The following COMMD10 variants were observed in gnomAD, a reference collection of about 807,000 sequenced individuals.
COMMD10 encodes the protein COMM domain containing 10.
Under a neutral mutation model 28.9 loss-of-function variants are expected in COMMD10, and 33 were observed. The ratio of observed to expected loss-of-function variants is 1.14; its 90% CI spans 0.87 to 1.53. COMMD10 has a LOEUF of 1.53. Ranked by LOEUF, COMMD10 falls within the 40% of genes most tolerant of loss-of-function variation. The probability of loss-of-function intolerance (pLI) is 0.00; values close to 1 mark genes in which losing one functional copy is unlikely to be tolerated. For synonymous variants in COMMD10, 110 were observed against 81.7 expected, an observed-to-expected ratio of 1.35 and a Z score of -1.87; for missense variants, 310 against 233.4, an observed-to-expected ratio of 1.33 and a Z score of -2.14.
At chr5:116,285,871 G>A (rs1473283208) in intron 5 of COMMD10, among the ~76,000 whole-genome samples, 1 of 151,758 alleles carries the variant, frequency 6.6e-6, no homozygotes, top group Non-Finnish European at 1.5e-5. Flanking sequence ...GATAATACTG[G>A]CCTCATTAGA....
chr5:116,108,482 T>C (rs1750918409), intron 4 of COMMD10, among the ~76,000 whole-genome samples: 1 of 152,194 alleles, frequency 6.6e-6, no homozygotes, highest in South Asian at 2.1e-4. Context: ...GGTGGCTTTG[T>C]TACACTGTGA....
intron 5 of COMMD10, among the ~76,000 whole-genome samples, chr5:116,227,039 C>A (rs1306022873): frequency 6.6e-6 from 1 of 152,012 alleles, no homozygotes; most frequent in African/African-American, 2.4e-5. Flanking sequence ...ATCTGATTCA[C>A]TCTCCCCCTC....
At chr5:116,123,386 T>C (rs947597470) in intron 4 of COMMD10, among the ~76,000 whole-genome samples, 1 of 152,330 alleles carries the variant, frequency 6.6e-6, no homozygotes, top group African/African-American at 2.4e-5. Flanking sequence ...GATTGGCGTA[T>C]GTTGAACCAG....
At chr5:116,215,389 C>G (rs1749068372) in intron 5 of COMMD10, among the ~76,000 whole-genome samples, 1 of 151,846 alleles carries the variant, frequency 6.6e-6, no homozygotes, top group African/African-American at 2.4e-5. Flanking sequence ...ACTGCTACAT[C>G]TAGCTTTTAT....
At chr5:116,167,361 G>T (rs193074101) in intron 5 of COMMD10, among the ~76,000 whole-genome samples, 9 of 152,214 alleles carry the variant, frequency 5.9e-5, no homozygotes, top group African/African-American at 2.2e-4. Context: ...GACCAAACCT[G>T]TGTTTGATTG....
intron 5 of COMMD10, among the ~76,000 whole-genome samples, chr5:116,238,725 A>T (rs1749741123): frequency 6.6e-6 from 1 of 152,208 alleles, no homozygotes; most frequent in Admixed American, 6.6e-5. Flanking sequence ...TCTCCAGCTC[A>T]TACTCCTTAT....
chr5:116,258,000 T>G (rs1473050755), intron 5 of COMMD10, among the ~76,000 whole-genome samples: 3 of 151,760 alleles, frequency 2.0e-5, no homozygotes, highest in Non-Finnish European at 4.4e-5. Flanking sequence ...CAATTTGTTT[T>G]AAAGAGGGTT....
chr5:116,111,258 CTG>C (rs1327656174), intron 4 of COMMD10, among the ~76,000 whole-genome samples: 3 of 151,720 alleles, frequency 2.0e-5, no homozygotes, highest in Admixed American at 6.6e-5. Context: ...TTTTTGGTCT[CTG>C]TTTTATTTAG....
At chr5:116,218,506 A>G (rs1310003259) in intron 5 of COMMD10, among the ~76,000 whole-genome samples, 1 of 152,122 alleles carries the variant, frequency 6.6e-6, no homozygotes, top group Non-Finnish European at 1.5e-5. Context: ...TTCCTCACAC[A>G]ATTTCTAAGG....
intron 4 of COMMD10, among the ~76,000 whole-genome samples, chr5:116,103,015 G>C (rs766230542): frequency 6.6e-6 from 1 of 152,104 alleles, no homozygotes; most frequent in Admixed American, 6.5e-5. Context: ...TTTTATGCCT[G>C]CATAGTATTC....
At chr5:116,104,723 C>T (rs1350005955) in intron 4 of COMMD10, among the ~76,000 whole-genome samples, 1 of 151,984 alleles carries the variant, frequency 6.6e-6, no homozygotes, top group Admixed American at 6.6e-5. Context: ...GAGTTCATGC[C>T]ATTCTCCTGC....
Position 116,255,198 on chromosome 5 carries a change from C to A in COMMD10, c.511-36319C>A, listed in dbSNP as rs533888592. Among the ~76,000 whole-genome samples, 64 of 151,562 alleles carry A rather than the reference C, an allele frequency of 4.2e-4. 1 individual carries two copies. Among genetic ancestry groups the A allele is most frequent in the African/African-American group, 1.3e-3 (52 of 41,114 alleles). The stretch of plus-strand genomic sequence containing the variant: ...ATTTTGAGCCTATGTGTGTCTCTGC[C>A]CGTGAGATGGGTTTCCTGAACACAG... On this transcript the variant is annotated intron_variant, in intron 5 of 6. Transcript: ENST00000274458.
chr5:116,094,185 T>G (rs1313324141), intron 4 of COMMD10, among the ~76,000 whole-genome samples: 1 of 152,078 alleles, frequency 6.6e-6, no homozygotes, highest in Non-Finnish European at 1.5e-5. Flanking sequence ...TATATTAAAC[T>G]AAAAATCTTC....
intron 5 of COMMD10, among the ~76,000 whole-genome samples, chr5:116,266,729 A>T (rs1750595541): frequency 6.6e-6 from 1 of 151,860 alleles, no homozygotes; most frequent in Admixed American, 6.6e-5. Flanking sequence ...CCAGCAGCAC[A>T]TCAAAAAGCT....
chr5:116,271,160 T>C (rs1243289592), intron 5 of COMMD10, among the ~76,000 whole-genome samples: 1 of 150,734 alleles, frequency 6.6e-6, no homozygotes, highest in African/African-American at 2.4e-5. Flanking sequence ...ATAAAGTGTA[T>C]ATTAAAGAGT....
At chr5:116,213,125 A>G (rs145050343) in intron 5 of COMMD10, among the ~76,000 whole-genome samples, 3 of 152,194 alleles carry the variant, frequency 2.0e-5, no homozygotes, top group African/African-American at 7.2e-5. Context: ...TACCATTATG[A>G]TATAACTTGC....
chr5:116,117,603 A>G (rs917219867), intron 4 of COMMD10, among the ~76,000 whole-genome samples: 1 of 152,060 alleles, frequency 6.6e-6, no homozygotes, highest in Non-Finnish European at 1.5e-5. Flanking sequence ...AGTTGGGATT[A>G]CAGGCACGCA....
chr5:116,103,575 G>A (rs888155088), intron 4 of COMMD10, among the ~76,000 whole-genome samples: 3 of 152,132 alleles, frequency 2.0e-5, no homozygotes, highest in Non-Finnish European at 2.9e-5. Context: ...TTGTCAGATG[G>A]ATAGATTGCA....
intron 4 of COMMD10, among the ~76,000 whole-genome samples, chr5:116,120,404 A>G (rs966256290): frequency 6.6e-6 from 1 of 152,126 alleles, no homozygotes; most frequent in African/African-American, 2.4e-5. Context: ...TACAGTGTAC[A>G]CTGCTTCGGT....
Sources: gnomAD v4.1 joint callset for allele counts (sites outside exome capture counted in the v4.1 genomes callset) on GRCh38, gnomAD v4.1.1 for gene constraint, MANE v1.5 for transcripts, NCBI Gene and HGNC (gene_info 2026-07-23, HGNC 2026-07-21) for gene names.